Variants in KCNAB1 observed in about 807,000 individuals in gnomAD.
The protein encoded by KCNAB1 is voltage-gated potassium channel subunit beta-1.
KCNAB1 carries 35 observed loss-of-function variants against 64.6 expected under a neutral mutation model. The observed-to-expected ratio is 0.54, with a 90% CI of 0.41 to 0.72. KCNAB1 has a LOEUF of 0.72. KCNAB1 is among the 30% of genes least tolerant of loss of function. The pLI is 0.00. For synonymous variants in KCNAB1, 177 were observed against 183.8 expected, an observed-to-expected ratio of 0.96 and a Z score of 0.30; for missense variants, 401 against 512.9, an observed-to-expected ratio of 0.78 and a Z score of 2.11.
chr3:156,464,400 C>T (rs1713178217), intron 6 of KCNAB1, among the ~76,000 whole-genome samples: 1 of 152,008 alleles, frequency 6.6e-6, no homozygotes, highest in African/African-American at 2.4e-5. Flanking sequence ...TTTTGACAAA[C>T]ATGTAAGAAA....
At chr3:156,118,741 G>A (rs189032793), upstream of KCNAB1, among the ~76,000 whole-genome samples, 207 of 152,310 alleles carry the variant, frequency 1.4e-3, no homozygotes, top group South Asian at 0.017. Context: ...TGTCTCTTTG[G>A]CTGAATGAGC....
chr3:156,226,363 A>G (rs1297168058), intron 1 of KCNAB1, among the ~76,000 whole-genome samples: 3 of 152,098 alleles, frequency 2.0e-5, no homozygotes, highest in Non-Finnish European at 4.4e-5. Context: ...AGCTACATGT[A>G]GAAGAATGAA....
At chr3:156,357,052 C>T (rs1576767500) in intron 1 of KCNAB1, among the ~76,000 whole-genome samples, 1 of 152,100 alleles carries the variant, frequency 6.6e-6, no homozygotes, top group Admixed American at 6.6e-5. Flanking sequence ...AACAAACAAA[C>T]TCTCTATGGC....
At chr3:156,176,284 A>C in intron 1 of KCNAB1, 2 of 973,676 alleles carry the variant, frequency 2.1e-6, no homozygotes, top group Non-Finnish European at 1.7e-6. Flanking sequence ...ATCATTGTCT[A>C]TTCCACCAGA....
At chr3:156,165,424 T>C (rs1301142447) in intron 1 of KCNAB1, among the ~76,000 whole-genome samples, 1 of 152,066 alleles carries the variant, frequency 6.6e-6, no homozygotes, top group Non-Finnish European at 1.5e-5. Context: ...GGTCAGTGGA[T>C]GTGCAGTTTG....
intron 1 of KCNAB1, among the ~76,000 whole-genome samples, chr3:156,122,183 A>G (rs1167962272): frequency 1.1e-5 from 1 of 90,028 alleles, no homozygotes; most frequent in Non-Finnish European, 2.3e-5. Flanking sequence ...AGACCAAAGG[A>G]AAAGTAGTCT....
chr3:156,519,297 A>T (rs1279807660), intron 11 of KCNAB1, among the ~76,000 whole-genome samples: 1 of 152,224 alleles, frequency 6.6e-6, no homozygotes, highest in Non-Finnish European at 1.5e-5. Context: ...CTTTGTCATA[A>T]AGCATTCAAG....
At chr3:156,280,727 G>A (rs377713291) in intron 1 of KCNAB1, among the ~76,000 whole-genome samples, 2 of 151,602 alleles carry the variant, frequency 1.3e-5, no homozygotes, top group African/African-American at 2.4e-5. Context: ...TCTCTTTGAA[G>A]CAATTGTGAA....
At chr3:156,218,239 G>C (rs193263987) in intron 1 of KCNAB1, among the ~76,000 whole-genome samples, 1 of 152,106 alleles carries the variant, frequency 6.6e-6, no homozygotes, top group Non-Finnish European at 1.5e-5. Context: ...CACTTCCCTG[G>C]TGACCCGTAT....
At chr3:156,411,219 T>G (rs1714637659) in intron 1 of KCNAB1, among the ~76,000 whole-genome samples, 1 of 152,234 alleles carries the variant, frequency 6.6e-6, no homozygotes, top group Non-Finnish European at 1.5e-5. Flanking sequence ...ATATGCTTAT[T>G]TGCCATCAAA....
chr3:156,342,495 A>G (rs1294995486), intron 1 of KCNAB1, among the ~76,000 whole-genome samples: 1 of 150,188 alleles, frequency 6.7e-6, no homozygotes, highest in Non-Finnish European at 1.5e-5. Context: ...AAAAATACCC[A>G]TGCACAGAGC....
intron 1 of KCNAB1, among the ~76,000 whole-genome samples, chr3:156,398,923 GC>G (rs1257974790): frequency 2.0e-5 from 3 of 152,284 alleles, no homozygotes; most frequent in African/African-American, 7.2e-5. Flanking sequence ...GGACTGAGCA[GC>G]CACACTAACC....
chr3:156,226,474 A>C lies in KCNAB1; in HGVS notation c.275+105588A>C, dbSNP rs74434281. On this transcript the variant is annotated intron_variant, in intron 1 of 13. Coordinates refer to ENST00000490337, the MANE Select transcript of KCNAB1 (RefSeq NM_172160.3). ...CATAAAAATTCTAGAAGATAACATC[A>C]AAAAACCCTTCTAGACATTGGCTTA... 3.4e-3 allele frequency among the ~76,000 whole-genome samples: 522 copies of C among 152,296 alleles called. 3 individuals are homozygous for C. Among genetic ancestry groups the C allele is most frequent in the African/African-American group, 0.012 (491 of 41,574 alleles).
chr3:156,326,668 G>A (rs1320365193), intron 1 of KCNAB1, among the ~76,000 whole-genome samples: 1 of 152,070 alleles, frequency 6.6e-6, no homozygotes, highest in Non-Finnish European at 1.5e-5. Context: ...TCCTGCCTGA[G>A]GACCTTTGCA....
chr3:156,197,974 T>G (rs1296905660), intron 1 of KCNAB1, among the ~76,000 whole-genome samples: 1 of 152,222 alleles, frequency 6.6e-6, no homozygotes, highest in African/African-American at 2.4e-5. Context: ...TCCCAGAGAT[T>G]CTGGTACATT....
chr3:156,322,058 A>G (rs1722694077), intron 1 of KCNAB1, among the ~76,000 whole-genome samples: 1 of 152,204 alleles, frequency 6.6e-6, no homozygotes, highest in Admixed American at 6.5e-5. Flanking sequence ...TTAGGGACAC[A>G]AACAAGTGCA....
At chr3:156,177,588 A>G (rs1334670183) in intron 1 of KCNAB1, among the ~76,000 whole-genome samples, 1 of 152,056 alleles carries the variant, frequency 6.6e-6, no homozygotes, top group South Asian at 2.1e-4. Flanking sequence ...CGTGTTAGCC[A>G]GGATGGTCTC....
chr3:156,168,875 A>T (rs1298817289), intron 1 of KCNAB1, among the ~76,000 whole-genome samples: 1 of 152,182 alleles, frequency 6.6e-6, no homozygotes, highest in East Asian at 1.9e-4. Context: ...TCATCCAGGG[A>T]CTTCTGTTAC....
At chr3:156,118,578 T>G (rs778156203), upstream of KCNAB1, among the ~76,000 whole-genome samples, 34 of 152,204 alleles carry the variant, frequency 2.2e-4, no homozygotes, top group Non-Finnish European at 3.8e-4. Flanking sequence ...TTTTTATAGA[T>G]GAAGAAAATA....
Sources: gnomAD v4.1 joint callset for allele counts (sites outside exome capture counted in the v4.1 genomes callset) on GRCh38, gnomAD v4.1.1 for gene constraint, MANE v1.5 for transcripts, NCBI Gene and HGNC (gene_info 2026-07-23, HGNC 2026-07-21) for gene names.